Variants in ATXN1 observed in about 807,000 individuals in gnomAD.
ATXN1 encodes ataxin 1, also known as ataxin-1.
In ATXN1, 8 loss-of-function variants were observed where a neutral mutation model predicts 56.4. That is an observed-to-expected ratio of 0.14 (90% CI 0.08 to 0.26). The LOEUF is 0.26. Ranked by LOEUF, ATXN1 falls within the 10% of genes least tolerant of loss-of-function variation. ATXN1 has a pLI of 1.00. For synonymous variants in ATXN1, 514 were observed against 494.6 expected (o/e 1.04, Z -0.52); for missense variants, 987 against 1,106.5 (o/e 0.89, Z 1.53).
At chr6:16,475,871 CT>C (rs56262935) in intron 6 of ATXN1, among the ~76,000 whole-genome samples, 441 of 139,094 alleles carry the variant, frequency 3.2e-3, no homozygotes, top group Admixed American at 5.4e-3. Context: ...TTAGTCATTA[CT>C]TTTTTTTTTT....
At chr6:16,654,407 G>A (rs937373543) in intron 3 of ATXN1, among the ~76,000 whole-genome samples, 1 of 152,046 alleles carries the variant, frequency 6.6e-6, no homozygotes, top group Non-Finnish European at 1.5e-5. Flanking sequence ...AGCTGGGCAC[G>A]GTGGCGCATG....
chr6:16,647,863 G>C (rs762004878), intron 3 of ATXN1, among the ~76,000 whole-genome samples: 11 of 152,158 alleles, frequency 7.2e-5, no homozygotes, highest in Non-Finnish European at 1.3e-4. Context: ...ATCATCTGAG[G>C]TCAGGAGTTT....
At chr6:16,550,991 G>C (rs1051735547) in intron 4 of ATXN1, among the ~76,000 whole-genome samples, 1 of 152,210 alleles carries the variant, frequency 6.6e-6, no homozygotes, top group Non-Finnish European at 1.5e-5. Flanking sequence ...TGAGTTGACA[G>C]TGGACCTGAA....
chr6:16,606,935 G>A (rs1180157640), intron 3 of ATXN1, among the ~76,000 whole-genome samples: 4 of 129,328 alleles, frequency 3.1e-5, no homozygotes. Context: ...TGCGCAGGCT[G>A]GAGTACAATG....
At chr6:16,323,500 G>A (rs1331390096) in intron 7 of ATXN1, among the ~76,000 whole-genome samples, 1 of 130,488 alleles carries the variant, frequency 7.7e-6, no homozygotes, top group Non-Finnish European at 1.5e-5. Flanking sequence ...ACTCCAGCCT[G>A]GGTGACAGAG....
intron 6 of ATXN1, among the ~76,000 whole-genome samples, chr6:16,363,479 A>G (rs1761857186): frequency 6.6e-6 from 1 of 152,164 alleles, no homozygotes; most frequent in Admixed American, 6.5e-5. Flanking sequence ...AAGAGTAAAT[A>G]AAGTGTGATG....
At chr6:16,745,741 G>T (rs1760509564) in intron 2 of ATXN1, among the ~76,000 whole-genome samples, 1 of 152,086 alleles carries the variant, frequency 6.6e-6, no homozygotes, top group African/African-American at 2.4e-5. Flanking sequence ...AGAGCTACCT[G>T]CAGAAAACGT....
intron 3 of ATXN1, among the ~76,000 whole-genome samples, chr6:16,617,890 AC>A (rs1393220626): frequency 5.3e-5 from 8 of 152,094 alleles, no homozygotes; most frequent in African/African-American, 1.7e-4. Context: ...TGTGAGAACA[AC>A]TGATCTAATA....
intron 5 of ATXN1, among the ~76,000 whole-genome samples, chr6:16,491,434 G>C (rs1760662507): frequency 6.6e-6 from 1 of 151,760 alleles, no homozygotes; most frequent in Non-Finnish European, 1.5e-5. Context: ...GCAGGCACCA[G>C]CCACTACGCC....
intron 5 of ATXN1, among the ~76,000 whole-genome samples, chr6:16,515,199 A>C (rs1761157743): frequency 6.6e-6 from 1 of 151,880 alleles, no homozygotes; most frequent in Admixed American, 6.6e-5. Context: ...TCAAAACCTT[A>C]TCTCCTTACG....
rs79678305 is a variant in ATXN1 at position 16,491,186 on chromosome 6, G to C, written c.-298-5077C>G. Among the ~76,000 whole-genome samples, 12 of 131,522 alleles carry C rather than the reference G, an allele frequency of 9.1e-5. No homozygotes were observed. The Admixed American group carries it at 1.1e-3, about 12-fold the overall frequency. 86.3% of individuals were successfully genotyped at this position (131,522 alleles called of 152,430 possible). A position where few individuals can be genotyped will look rare whatever the true frequency, so the allele number is the denominator to read the frequency against. ...CTCACTCACTGCAACCTCTGACTCC[G>C]AGTTCAAGCAATACTCCTGACTCAG... On this transcript the variant is annotated intron_variant, in intron 5 of 7. Coordinates refer to ENST00000436367, the MANE Select transcript of ATXN1 (RefSeq NM_001128164.2).
At chr6:16,511,614 C>T (rs529151460) in intron 5 of ATXN1, among the ~76,000 whole-genome samples, 31 of 152,262 alleles carry the variant, frequency 2.0e-4, no homozygotes, top group Admixed American at 1.9e-3. Context: ...CCTCCAAAAA[C>T]TTCTCATACC....
Position 16,306,744 on chromosome 6 carries a change from A to C in ATXN1, c.2033T>G (p.Val678Gly). 1 of 1,614,052 alleles carries C rather than the reference A, an allele frequency of 6.2e-7. No homozygotes were observed. The highest frequency in any genetic ancestry group is 8.5e-7 in the Non-Finnish European group (1 of 1,179,964). ...GGTAAGCGAGATGCAGACATCCCCA[A>C]CTGAGAGTTTGGAACACGGCAAATC... ...LFDLPCSKLSVGDVCISLTLK... is the reference protein window; with the variant it reads ...LFDLPCSKLSGGDVCISLTLK... The change falls in exon 8 of 8, where the codon GTT becomes GGT. Residue 678 changes from valine to glycine, a missense_variant. Physicochemically the swap from Val to Gly is moderately radical, Grantham distance 109. Coordinates refer to ENST00000436367, the MANE Select transcript of ATXN1 (RefSeq NM_001128164.2). The surrounding 1 kb of genome is among the most constrained non-coding windows in gnomAD (Gnocchi z 5.2).
intron 4 of ATXN1, among the ~76,000 whole-genome samples, chr6:16,559,012 G>A (rs759284597): frequency 5.3e-5 from 8 of 151,888 alleles, no homozygotes; most frequent in Admixed American, 3.9e-4. Context: ...AAATAGGAAC[G>A]GCTTTTAAAC....
intron 6 of ATXN1, among the ~76,000 whole-genome samples, chr6:16,454,341 C>T (rs1377221406): frequency 6.6e-6 from 1 of 152,038 alleles, no homozygotes; most frequent in Non-Finnish European, 1.5e-5. Flanking sequence ...GTGCTTGGGG[C>T]TTGCACTTGC....
rs575388945 is a variant in ATXN1 at position 16,658,072 on chromosome 6, C to T, written c.-614-171G>A. Among the ~76,000 whole-genome samples the T allele has an allele frequency of 3.1e-4, 47 of 151,796 alleles. No individual in the cohort carries two copies. The Middle Eastern group carries it at 0.01, about 33-fold the overall frequency. ...TCTCACTGCTTATCTACATAAGGTG[C>T]CCTAAAATACTGGAGGTGGGGTGTG... On this transcript the variant is annotated intron_variant, in intron 2 of 7. Coordinates refer to ENST00000436367, the MANE Select transcript of ATXN1 (RefSeq NM_001128164.2).
At chr6:16,566,879 CAACAAA>C (rs1331942558) in intron 4 of ATXN1, among the ~76,000 whole-genome samples, 1 of 151,650 alleles carries the variant, frequency 6.6e-6, no homozygotes, top group African/African-American at 2.4e-5. Flanking sequence ...ACAACAACAA[CAACAAA>C]AACATTTTGT....
intron 5 of ATXN1, among the ~76,000 whole-genome samples, chr6:16,497,220 T>G (rs1760797018): frequency 1.3e-5 from 2 of 152,030 alleles, no homozygotes; most frequent in Admixed American, 1.3e-4. Flanking sequence ...GTGTTGTGTG[T>G]GGGAGGACAG....
At chr6:16,516,106 C>T (rs1477572398) in intron 5 of ATXN1, among the ~76,000 whole-genome samples, 1 of 152,090 alleles carries the variant, frequency 6.6e-6, no homozygotes, top group Admixed American at 6.5e-5. Context: ...TTAATTTGCC[C>T]GTGTCCTTAT....
Sources: gnomAD v4.1 joint callset for allele counts (sites outside exome capture counted in the v4.1 genomes callset) on GRCh38, gnomAD v4.1.1 for gene constraint, Gnocchi (gnomAD v3.1) non-coding constraint, MANE v1.5 for transcripts, NCBI Gene and HGNC (gene_info 2026-07-23, HGNC 2026-07-21) for gene names.